Variants in CHST9 observed in about 807,000 individuals in gnomAD.
CHST9 encodes the protein carbohydrate sulfotransferase 9.
In CHST9, 41 loss-of-function variants were observed where a neutral mutation model predicts 44.4. The ratio of observed to expected loss-of-function variants is 0.92; its 90% confidence interval spans 0.72 to 1.20. The LOEUF is 1.20. Ranked by LOEUF, CHST9 falls within the 50% of genes most tolerant of loss-of-function variation. CHST9 has a pLI of 0.00. For synonymous variants in CHST9, 171 were observed against 178.4 expected, an observed-to-expected ratio of 0.96 and a Z score of 0.33; for missense variants, 504 against 516.5, an observed-to-expected ratio of 0.98 and a Z score of 0.23.
chr18:27,069,307 T>C (rs962617927), intron 2 of CHST9, among the ~76,000 whole-genome samples: 5 of 152,222 alleles, frequency 3.3e-5, no homozygotes, highest in African/African-American at 4.8e-5. Context: ...AGTTCCTTAA[T>C]ATAATTTTGC....
At chr18:27,145,258 C>T (rs1309639107) in intron 1 of CHST9, among the ~76,000 whole-genome samples, 1 of 152,148 alleles carries the variant, frequency 6.6e-6, no homozygotes, top group East Asian at 1.9e-4. Context: ...GTGCCGCAAT[C>T]TTGGCTCGCC....
intron 4 of CHST9, among the ~76,000 whole-genome samples, chr18:26,945,567 T>G (rs943593158): frequency 1.3e-5 from 2 of 152,234 alleles, no homozygotes; most frequent in East Asian, 3.8e-4. Context: ...TCTCTGGAGA[T>G]TCTTCCAGGT....
At chr18:26,965,197 G>GT (rs1272310369) in intron 4 of CHST9, among the ~76,000 whole-genome samples, 2 of 152,174 alleles carry the variant, frequency 1.3e-5, no homozygotes, top group Non-Finnish European at 2.9e-5. Context: ...TCATGTGAGT[G>GT]TCCCCTGGCT....
At chr18:27,010,510 G>C (rs191830456) in intron 4 of CHST9, among the ~76,000 whole-genome samples, 16 of 152,244 alleles carry the variant, frequency 1.1e-4, no homozygotes, top group Non-Finnish European at 1.5e-5. Flanking sequence ...AGGAGTGTGA[G>C]GTCTGCTGCC....
intron 4 of CHST9, among the ~76,000 whole-genome samples, chr18:26,974,203 GA>G (rs2056588942): frequency 6.6e-6 from 1 of 152,196 alleles, no homozygotes; most frequent in Non-Finnish European, 1.5e-5. Flanking sequence ...TGAAATGAAA[GA>G]AATAAGGGAC....
At chr18:26,994,746 A>G (rs1308356201) in intron 4 of CHST9, among the ~76,000 whole-genome samples, 1 of 151,722 alleles carries the variant, frequency 6.6e-6, no homozygotes, top group Non-Finnish European at 1.5e-5. Context: ...GTATCACCGC[A>G]CCCAGCTAAT....
chr18:27,132,261 G>A (rs1263762426), intron 2 of CHST9, among the ~76,000 whole-genome samples: 1 of 152,158 alleles, frequency 6.6e-6, no homozygotes, highest in African/African-American at 2.4e-5. Flanking sequence ...TTCAGGTTTT[G>A]ACTTTTCTTC....
At chr18:27,091,167 T>G (rs993180803) in intron 2 of CHST9, among the ~76,000 whole-genome samples, 5 of 152,194 alleles carry the variant, frequency 3.3e-5, no homozygotes, top group Admixed American at 6.5e-5. Flanking sequence ...TCACGTCCCT[T>G]GTAAGTTGGA....
chr18:26,998,669 T>A (rs2056913418), intron 4 of CHST9, among the ~76,000 whole-genome samples: 2 of 147,406 alleles, frequency 1.4e-5, no homozygotes, highest in African/African-American at 5.1e-5. Context: ...GAAGCTGCAG[T>A]GAGCTGAAAT....
intron 2 of CHST9, among the ~76,000 whole-genome samples, chr18:27,104,634 C>T (rs561239891): frequency 4.6e-5 from 7 of 152,276 alleles, no homozygotes; most frequent in Middle Eastern, 3.4e-3. Context: ...TTTGGCTAAG[C>T]TGTTGATTTT....
At chr18:26,993,643 G>A (rs373581960) in intron 4 of CHST9, among the ~76,000 whole-genome samples, 95 of 152,218 alleles carry the variant, frequency 6.2e-4, no homozygotes, top group African/African-American at 2.1e-3. Flanking sequence ...GACTATATTC[G>A]ATTTAATTGT....
chr18:26,985,383 TAGAA>T (rs1207446679), intron 4 of CHST9, among the ~76,000 whole-genome samples: 2 of 152,066 alleles, frequency 1.3e-5, no homozygotes, highest in Non-Finnish European at 2.9e-5. Context: ...TAAGACAAAA[TAGAA>T]TTAACTACGG....
chr18:27,131,768 G>A (rs967237247), intron 2 of CHST9, among the ~76,000 whole-genome samples: 1 of 152,152 alleles, frequency 6.6e-6, no homozygotes, highest in Non-Finnish European at 1.5e-5. Context: ...TGAAAGGCAA[G>A]GGTGAAGACA....
At chr18:27,152,596 T>A (rs9951666) in intron 1 of CHST9, among the ~76,000 whole-genome samples, 1,722 of 152,292 alleles carry the variant, frequency 0.011, 27 homozygotes, top group African/African-American at 0.036. Flanking sequence ...CACAAGAATA[T>A]GCAGCATGCA....
At chr18:26,987,334 AGCCAGTGTCATGT>A (rs561968169) in intron 4 of CHST9, among the ~76,000 whole-genome samples, 29 of 152,306 alleles carry the variant, frequency 1.9e-4, no homozygotes, top group African/African-American at 6.0e-4. Context: ...CCTTGTCAGA[AGCCAGTGTCATGT>A]GCTTTAACTC....
intron 5 of CHST9, among the ~76,000 whole-genome samples, chr18:26,920,995 A>G (rs2055641286): frequency 6.6e-6 from 1 of 152,124 alleles, no homozygotes; most frequent in Non-Finnish European, 1.5e-5. Context: ...AAGGCCCCTG[A>G]CTTTAATTTC....
At position 26,915,857 on chromosome 18, in the gene CHST9, T is replaced by C. The variant is rs2055509597; in HGVS notation, c.*402A>G. The C allele has an allele frequency of 6.4e-6, 1 of 156,866 alleles. No homozygotes were observed. The highest frequency in any genetic ancestry group is 1.9e-4 in the South Asian group (1 of 5,142). The allele number at this position is 156,866 out of a possible 1,614,324, so 9.7% of individuals were successfully genotyped here. On this transcript the variant is annotated 3_prime_UTR_variant, in exon 6 of 6. Coordinates refer to ENST00000618847, the MANE Select transcript of CHST9 (RefSeq NM_031422.6). The stretch of plus-strand genomic sequence containing the variant: ...AAACAATTCAACAGTTTGATTAATA[T>C]GCCACAGACTGCTAAAAATATATTC...
At chr18:26,984,729 C>CA (rs200222761) in intron 4 of CHST9, among the ~76,000 whole-genome samples, 11,563 of 61,522 alleles carry the variant, frequency 0.19, 603 homozygotes, top group South Asian at 0.25. Context: ...TACCAAAAGA[C>CA]AAAAAAAAAA....
intron 2 of CHST9, among the ~76,000 whole-genome samples, chr18:27,121,510 A>G (rs1193221253): frequency 6.6e-6 from 1 of 152,210 alleles, no homozygotes; most frequent in East Asian, 1.9e-4. Context: ...CAGCTGGTAC[A>G]TAGGTTAGCA....
Sources: gnomAD v4.1 joint callset for allele counts (sites outside exome capture counted in the v4.1 genomes callset) on GRCh38, gnomAD v4.1.1 for gene constraint, MANE v1.5 for transcripts, NCBI Gene and HGNC (gene_info 2026-07-23, HGNC 2026-07-21) for gene names.